Variants in TNS1 observed in about 807,000 individuals in gnomAD.
TNS1 encodes tensin-1.
In TNS1, 62 loss-of-function variants were observed where a neutral mutation model predicts 168.6. The observed-to-expected ratio is 0.37, with a 90% confidence interval of 0.30 to 0.45. TNS1 has a LOEUF of 0.45. Among genes scored for constraint, TNS1 ranks in the 20% least tolerant of loss-of-function variants. The probability of loss-of-function intolerance (pLI) is 1.00; values close to 1 mark genes in which losing one functional copy is unlikely to be tolerated. For synonymous variants in TNS1, 934 were observed against 933.2 expected, an observed-to-expected ratio of 1.00 and a Z score of -0.02; for missense variants, 2,240 against 2,339.4, an observed-to-expected ratio of 0.96 and a Z score of 0.88.
At chr2:217,977,647 C>G (rs780161490) in intron 3 of TNS1, among the ~76,000 whole-genome samples, 1 of 152,180 alleles carries the variant, frequency 6.6e-6, no homozygotes, top group Admixed American at 6.5e-5. Flanking sequence ...ATTCTCACAA[C>G]AACTTTATGA....
In TNS1 at chr2:217,883,594, C is replaced by T. The variant is rs552187150; in HGVS notation, c.1247-1183G>A. 1.3e-3 allele frequency among the ~76,000 whole-genome samples: 193 copies of T among 152,304 alleles called. 1 individual carries two copies. The highest frequency in any genetic ancestry group is 4.4e-3 in the African/African-American group (181 of 41,568). ...CTCTATTTATTGATATGTCAATTTT[C>T]GATGGTATCTCCTGACTCCCACTAC... On this transcript the variant is annotated intron_variant, in intron 16 of 32. Coordinates refer to ENST00000682258, the MANE Select transcript of TNS1 (RefSeq NM_001387777.1).
chr2:217,809,687 C>A, intron 30 of TNS1, 136 bp downstream of exon 30: 1 of 922,958 alleles, frequency 1.1e-6, no homozygotes, highest in Non-Finnish European at 1.6e-6. Context: ...GAGGTAGATG[C>A]AAGATAGATG....
chr2:218,012,635 GC>G (rs749124978), upstream of TNS1, among the ~76,000 whole-genome samples: 1 of 151,984 alleles, frequency 6.6e-6, no homozygotes, highest in African/African-American at 2.4e-5. Context: ...CCAACTTCTG[GC>G]CCCCCACCCC....
intron 3 of TNS1, among the ~76,000 whole-genome samples, chr2:217,958,553 A>G (rs1957420814): frequency 6.6e-6 from 1 of 152,192 alleles, no homozygotes; most frequent in Non-Finnish European, 1.5e-5. Flanking sequence ...CTAGTTCTTT[A>G]CTTCCATTTT....
In TNS1 at chr2:218,002,939, G is replaced by T. The variant is rs1183456290; in HGVS notation, c.-67C>A. The T allele has an allele frequency of 4.4e-6, 2 of 456,382 alleles. No individual in the cohort carries two copies. Among genetic ancestry groups the T allele is most frequent in the Admixed American group, 4.7e-5 (2 of 42,562 alleles). 28.3% of individuals were successfully genotyped at this position (456,382 alleles called of 1,614,324 possible). ...AAGAGCCCCTGAAGCTAGAGTCCCC[G>T]CGGCGCTGGCAGAAGGGCTCTCTGA... On this transcript the variant is annotated 5_prime_UTR_variant, in exon 1 of 33. Coordinates refer to ENST00000682258, the MANE Select transcript of TNS1 (RefSeq NM_001387777.1).
intron 1 of TNS1, among the ~76,000 whole-genome samples, chr2:217,997,710 A>G (rs1479895006): frequency 2.0e-5 from 3 of 152,224 alleles, no homozygotes; most frequent in Non-Finnish European, 4.4e-5. Flanking sequence ...CAATGGACCA[A>G]TGACAGTCAC....
chr2:217,804,621 C>T lies in TNS1; in HGVS notation c.5376-18G>A. On this transcript the variant is annotated intron_variant, in intron 32 of 32. Coordinates refer to ENST00000682258, the MANE Select transcript of TNS1 (RefSeq NM_001387777.1). ...CGAAGAGCCTGCAGGCGGGAGAGGG[C>T]AACGGGCATGAGGGAAGGGCAAGTG... The T allele has an allele frequency of 6.2e-7, 1 of 1,613,654 alleles. No individual in the cohort carries two copies. Among genetic ancestry groups the T allele is most frequent in the Non-Finnish European group, 8.5e-7 (1 of 1,179,740 alleles).
intron 3 of TNS1, among the ~76,000 whole-genome samples, chr2:217,930,341 G>T (rs919955735): frequency 1.8e-4 from 27 of 152,220 alleles, no homozygotes; most frequent in African/African-American, 5.5e-4. Context: ...CCAGTCGGGG[G>T]TCACAGAAAG....
At chr2:217,805,580 A>AC (rs1461769058) in intron 32 of TNS1, among the ~76,000 whole-genome samples, 5 of 210 alleles carry the variant, frequency 0.024, no homozygotes, top group Non-Finnish European at 0.034. Context: ...CACACCACAC[A>AC]CACAACACAC....
intron 22 of TNS1, chr2:217,829,987 A>C: frequency 1.3e-6 from 2 of 1,530,752 alleles, no homozygotes; most frequent in South Asian, 1.3e-5. Context: ...AAAGAGATTA[A>C]CAGGGATTAT....
chr2:217,890,779 G>A, intron 12 of TNS1, 183 bp downstream of exon 12: 1 of 632,800 alleles, frequency 1.6e-6, no homozygotes, highest in Non-Finnish European at 2.8e-6. Flanking sequence ...CACACCACAG[G>A]CTGGCTCCCG....
At chr2:217,870,773 C>T (rs926439009) in intron 18 of TNS1, among the ~76,000 whole-genome samples, 15 of 152,234 alleles carry the variant, frequency 9.9e-5, no homozygotes, top group Admixed American at 7.8e-4. Flanking sequence ...TGGGCAGAGG[C>T]TGCTGCCCAA....
At chr2:217,883,930 A>T (rs529888347) in intron 16 of TNS1, among the ~76,000 whole-genome samples, 1 of 152,294 alleles carries the variant, frequency 6.6e-6, no homozygotes, top group South Asian at 2.1e-4. Flanking sequence ...TACAGCAAGG[A>T]TGGCATCTGC....
At chr2:217,809,424 G>GATGC (rs1315086195) in intron 30 of TNS1, among the ~76,000 whole-genome samples, 5 of 114,910 alleles carry the variant, frequency 4.4e-5, no homozygotes, top group Non-Finnish European at 7.2e-5. Flanking sequence ...TGCATGGATG[G>GATGC]ATGGATGGAT....
intron 25 of TNS1, among the ~76,000 whole-genome samples, chr2:217,814,291 T>C (rs1941500382): frequency 2.0e-5 from 3 of 151,188 alleles, no homozygotes; most frequent in Admixed American, 2.0e-4. Flanking sequence ...GCTGGGATTA[T>C]AGGTGTGCAC....
intron 2 of TNS1, among the ~76,000 whole-genome samples, chr2:217,982,440 G>A (rs2126061001): frequency 7.7e-6 from 1 of 130,718 alleles, no homozygotes; most frequent in East Asian, 2.1e-4. Flanking sequence ...GCTCTGCTCT[G>A]TCACCCAGGC....
At chr2:217,927,082 G>C (rs555591503) in intron 3 of TNS1, among the ~76,000 whole-genome samples, 1 of 152,224 alleles carries the variant, frequency 6.6e-6, no homozygotes, top group Admixed American at 6.5e-5. Flanking sequence ...TGAAAGCCCC[G>C]AGAGCAGGCA....
chr2:218,027,885 C>T (rs1958863278), intron 1 of TNS1, among the ~76,000 whole-genome samples: 1 of 152,180 alleles, frequency 6.6e-6, no homozygotes, highest in African/African-American at 2.4e-5. Context: ...CTGCAGACTG[C>T]AGGCTGGGCC....
At chr2:217,885,686 G>C in intron 15 of TNS1, 58 bp downstream of exon 15, 1 of 1,563,974 alleles carries the variant, frequency 6.4e-7, no homozygotes, top group Non-Finnish European at 8.8e-7. Context: ...AAAGGAGTAA[G>C]AAAAGAAGGG....
Sources: gnomAD v4.1 joint callset for allele counts (sites outside exome capture counted in the v4.1 genomes callset) on GRCh38, gnomAD v4.1.1 for gene constraint, MANE v1.5 for transcripts, NCBI Gene and HGNC (gene_info 2026-07-23, HGNC 2026-07-21) for gene names.